GRB14: variants seen among roughly 807,000 people sequenced by gnomAD.
The protein encoded by GRB14 is growth factor receptor bound protein 14, also known as growth factor receptor-bound protein 14.
A neutral mutation model predicts 69.1 loss-of-function variants in GRB14; 38 were observed. The ratio of observed to expected loss-of-function variants is 0.55; its 90% confidence interval spans 0.42 to 0.72. GRB14 has a LOEUF of 0.72. GRB14 is among the 30% of genes least tolerant of loss of function. The probability of loss-of-function intolerance (pLI) is 0.00; values close to 1 mark genes in which losing one functional copy is unlikely to be tolerated. For missense variants in GRB14, 666 were observed against 666.1 expected (o/e 1.00, Z 0.00); for synonymous variants, 247 against 241.3 (o/e 1.02, Z -0.22).
intron 8 of GRB14, among the ~76,000 whole-genome samples, chr2:164,503,170 A>T (rs1392765733): frequency 9.3e-5 from 6 of 64,322 alleles, no homozygotes; most frequent in Admixed American, 1.8e-4. Flanking sequence ...CTACTTTGTT[A>T]AAAAAAAAAA....
At chr2:164,569,535 T>G (rs769629334) in intron 2 of GRB14, among the ~76,000 whole-genome samples, 4 of 152,218 alleles carry the variant, frequency 2.6e-5, no homozygotes, top group Non-Finnish European at 4.4e-5. Flanking sequence ...ATGTGGTTGT[T>G]GTAGTAACAA....
intron 8 of GRB14, 52 bp downstream of exon 8, chr2:164,508,403 T>C: frequency 1.4e-6 from 2 of 1,427,470 alleles, no homozygotes; most frequent in South Asian, 2.3e-5. Flanking sequence ...ATTTTCTAAC[T>C]TTTATGGTAC....
At chr2:164,510,833 TG>T (rs1245734028) in intron 6 of GRB14, among the ~76,000 whole-genome samples, 1 of 152,152 alleles carries the variant, frequency 6.6e-6, no homozygotes, top group Non-Finnish European at 1.5e-5. Context: ...CAGTACTCCC[TG>T]GGGACTTCAT....
chr2:164,505,113 A>G lies in GRB14; in HGVS notation c.1024-2778T>C, dbSNP rs115357704. 4.1e-3 allele frequency among the ~76,000 whole-genome samples: 619 copies of G among 152,326 alleles called. 6 individuals carry two copies. Among genetic ancestry groups the G allele is most frequent in the African/African-American group, 0.014 (587 of 41,582 alleles). ...TCATTTCAGGCTTCTGAACTAAAGA[A>G]CAATAAATTTATGTTGCTTTAAGTC... On this transcript the variant is annotated intron_variant, in intron 8 of 13. Transcript: ENST00000263915.
At chr2:164,543,328 T>C (rs983965947) in intron 3 of GRB14, among the ~76,000 whole-genome samples, 4 of 150,420 alleles carry the variant, frequency 2.7e-5, no homozygotes, top group African/African-American at 9.8e-5. Flanking sequence ...AAGTGGTACA[T>C]ATAAATCATG....
chr2:164,541,177 A>T (rs1240207822), intron 3 of GRB14, among the ~76,000 whole-genome samples: 1 of 152,084 alleles, frequency 6.6e-6, no homozygotes, highest in African/African-American at 2.4e-5. Context: ...AATATTTTTT[A>T]AAATAATAGG....
At chr2:164,604,244 C>G (rs1458533531) in intron 2 of GRB14, among the ~76,000 whole-genome samples, 1 of 152,068 alleles carries the variant, frequency 6.6e-6, no homozygotes, top group Non-Finnish European at 1.5e-5. Context: ...AATAGAGAAA[C>G]CCTTGCACAC....
chr2:164,546,950 G>A (rs996899315), intron 3 of GRB14, among the ~76,000 whole-genome samples: 2 of 152,106 alleles, frequency 1.3e-5, no homozygotes, highest in African/African-American at 4.8e-5. Context: ...TATCCCCTTT[G>A]GGAACCTCTC....
At chr2:164,520,011 A>G (rs1687597592) in intron 6 of GRB14, among the ~76,000 whole-genome samples, 1 of 152,018 alleles carries the variant, frequency 6.6e-6, no homozygotes, top group African/African-American at 2.4e-5. Context: ...TAGAAAAAAA[A>G]ATCCTAAAAT....
intron 2 of GRB14, among the ~76,000 whole-genome samples, chr2:164,560,675 G>A (rs373383262): frequency 9.2e-5 from 14 of 151,996 alleles, no homozygotes; most frequent in African/African-American, 3.4e-4. Flanking sequence ...CTGGGATTTC[G>A]AACAGTTATA....
chr2:164,602,740 C>G (rs1558879355), intron 2 of GRB14, among the ~76,000 whole-genome samples: 1 of 152,152 alleles, frequency 6.6e-6, no homozygotes, highest in Non-Finnish European at 1.5e-5. Flanking sequence ...GCCAACTGAT[C>G]CCTATTGCCC....
intron 2 of GRB14, among the ~76,000 whole-genome samples, chr2:164,598,683 A>G (rs1166980417): frequency 6.6e-6 from 1 of 152,164 alleles, no homozygotes; most frequent in Non-Finnish European, 1.5e-5. Context: ...ACGATCTTAC[A>G]GGATGTTCTA....
intron 2 of GRB14, among the ~76,000 whole-genome samples, chr2:164,601,547 G>T (rs1229600793): frequency 6.6e-6 from 1 of 152,088 alleles, no homozygotes; most frequent in African/African-American, 2.4e-5. Context: ...GAAAATCTGG[G>T]TTCAAGTCCT....
intron 2 of GRB14, among the ~76,000 whole-genome samples, chr2:164,603,683 TTA>T (rs1304306825): frequency 6.7e-6 from 1 of 149,070 alleles, no homozygotes; most frequent in East Asian, 1.9e-4. Context: ...TATATATATA[TTA>T]ACTCGACGAA....
At chr2:164,610,815 C>T (rs1278419149) in intron 2 of GRB14, among the ~76,000 whole-genome samples, 1 of 141,966 alleles carries the variant, frequency 7.0e-6, no homozygotes, top group Admixed American at 7.4e-5. Context: ...TGAGACAATT[C>T]GGATTATGGT....
At chr2:164,561,721 A>C (rs1320167101) in intron 2 of GRB14, among the ~76,000 whole-genome samples, 1 of 152,276 alleles carries the variant, frequency 6.6e-6, no homozygotes, top group East Asian at 1.9e-4. Flanking sequence ...TTAACTCTCT[A>C]AGCCAATTTT....
chr2:164,552,603 T>G (rs1032489377), intron 2 of GRB14, among the ~76,000 whole-genome samples: 1 of 152,156 alleles, frequency 6.6e-6, no homozygotes, highest in Non-Finnish European at 1.5e-5. Context: ...AGGCTGATAC[T>G]AAGTCATATG....
At chr2:164,599,559 A>G (rs1689866235) in intron 2 of GRB14, among the ~76,000 whole-genome samples, 1 of 152,232 alleles carries the variant, frequency 6.6e-6, no homozygotes, top group Non-Finnish European at 1.5e-5. Context: ...CAAAGTAGGC[A>G]GTGCTTTTCT....
chr2:164,544,726 A>C lies in GRB14; in HGVS notation c.481+2934T>G, dbSNP rs1449991601. 2.6e-5 allele frequency among the ~76,000 whole-genome samples: 4 copies of C among 152,188 alleles called. No homozygotes were observed. In the East Asian group the frequency reaches 7.7e-4, roughly 29 times the overall value. On this transcript the variant is annotated intron_variant, in intron 3 of 13. Coordinates refer to ENST00000263915, the MANE Select transcript of GRB14 (RefSeq NM_004490.3). ...AGGCTGAGCTGTCAAAGTCAGTTGC[A>C]CTATTGTAGCTCATCAGCTATCAGC...
Sources: allele counts gnomAD v4.1 joint callset (sites outside exome capture counted in the v4.1 genomes callset), GRCh38; gene constraint gnomAD v4.1.1; transcripts MANE v1.5; gene names NCBI Gene and HGNC (gene_info 2026-07-23, HGNC 2026-07-21).